Variants in CNTNAP2 observed in about 807,000 individuals in gnomAD.
CNTNAP2 encodes contactin associated protein 2.
A neutral mutation model predicts 155.2 loss-of-function variants in CNTNAP2; 98 were observed. The ratio of observed to expected loss-of-function variants is 0.63; its 90% CI spans 0.54 to 0.75. The LOEUF is 0.75. Among genes scored for constraint, CNTNAP2 ranks in the 30% least tolerant of loss-of-function variants. The pLI is 0.00. For missense variants in CNTNAP2, 1,727 were observed against 1,688.1 expected (o/e 1.02, Z -0.40); for synonymous variants, 651 against 631.2 (o/e 1.03, Z -0.47).
At chr7:146,941,943 G>A (rs1797066672) in intron 3 of CNTNAP2, among the ~76,000 whole-genome samples, 1 of 151,910 alleles carries the variant, frequency 6.6e-6, no homozygotes, top group African/African-American at 2.4e-5. Context: ...TTCAATTTTT[G>A]ATAGTTTGAT....
chr7:147,132,299 G>C lies in CNTNAP2; in HGVS notation c.1138G>C (p.Ala380Pro). The part of the protein sequence containing the change: ...EPYTVPVFFN[A>P]TSYLEVPGRL... Reference sequence around the variant, plus strand: ...CTATACGGTGCCTGTCTTTTTCAACGCTACAAGTTACCTGGAGGTGCCCGG... The same window carrying C: ...CTATACGGTGCCTGTCTTTTTCAACCCTACAAGTTACCTGGAGGTGCCCGG... The change falls in exon 8 of 24, where the codon GCT (alanine) becomes CCT (proline). Residue 380 changes from alanine to proline, a missense_variant. Physicochemically the swap from Ala to Pro is conservative, Grantham distance 27. Coordinates refer to ENST00000361727, the MANE Select transcript of CNTNAP2 (RefSeq NM_014141.6). 6.2e-7 allele frequency: 1 copy of C among 1,613,610 alleles called. No homozygotes were observed. Among genetic ancestry groups the C allele is most frequent in the South Asian group, 1.1e-5 (1 of 91,068 alleles).
At chr7:146,982,266 T>C (rs1762148409) in intron 3 of CNTNAP2, among the ~76,000 whole-genome samples, 1 of 152,154 alleles carries the variant, frequency 6.6e-6, no homozygotes, top group African/African-American at 2.4e-5. Flanking sequence ...ATATTCTACA[T>C]ACTCATTTAG....
Position 148,418,574 on chromosome 7 carries a change from A to T in CNTNAP2, c.*2958A>T, listed in dbSNP as rs570564732. 1 of 152,224 alleles carries T rather than the reference A, an allele frequency of 6.6e-6. No individual in the cohort carries two copies. Among genetic ancestry groups the T allele is most frequent in the Non-Finnish European group, 1.5e-5 (1 of 68,046 alleles). 9.4% of individuals were successfully genotyped at this position (152,224 alleles called of 1,614,324 possible). A position where few individuals can be genotyped will look rare whatever the true frequency, so the allele number is the denominator to read the frequency against. On this transcript the variant is annotated 3_prime_UTR_variant, in exon 24 of 24. Coordinates refer to ENST00000361727, the MANE Select transcript of CNTNAP2 (RefSeq NM_014141.6). ...AAAAGCTAGGAGATGACTTTGAATGAATGCAAGGTTAGTGAGATCCTAAGC... is the reference window on the plus strand; with the variant it reads ...AAAAGCTAGGAGATGACTTTGAATGTATGCAAGGTTAGTGAGATCCTAAGC...
chr7:148,331,751 CGGACGGATGGATTGGAT>C, intron 21 of CNTNAP2, among the ~76,000 whole-genome samples: 1 of 20,298 alleles, frequency 4.9e-5, no homozygotes. Context: ...ATGGATGGAA[CGGACGGATGGATTGGAT>C]GGATGGAATG....
intron 13 of CNTNAP2, among the ~76,000 whole-genome samples, chr7:147,869,264 A>T (rs1799287594): frequency 6.6e-6 from 1 of 152,250 alleles, no homozygotes; most frequent in Admixed American, 6.5e-5. Flanking sequence ...CTGCATCAGC[A>T]TGTCATTTTC....
chr7:147,477,648 A>G (rs1798345838), intron 10 of CNTNAP2, among the ~76,000 whole-genome samples: 2 of 152,270 alleles, frequency 1.3e-5, no homozygotes, highest in South Asian at 2.1e-4. Flanking sequence ...GCTAGTTAAA[A>G]CCATTCAATT....
intron 1 of CNTNAP2, among the ~76,000 whole-genome samples, chr7:146,162,620 C>G (rs1240922391): frequency 6.6e-6 from 1 of 152,124 alleles, no homozygotes; most frequent in Non-Finnish European, 1.5e-5. Flanking sequence ...GGATCTAGAA[C>G]TAGAAATACC....
chr7:146,997,049 T>C (rs184067056), intron 3 of CNTNAP2, among the ~76,000 whole-genome samples: 1 of 152,230 alleles, frequency 6.6e-6, no homozygotes, highest in Admixed American at 6.6e-5. Flanking sequence ...CACATGGAAC[T>C]CTGAGTCCAT....
chr7:148,146,788 CCAA>C (rs966098108), intron 16 of CNTNAP2, among the ~76,000 whole-genome samples: 11 of 152,256 alleles, frequency 7.2e-5, no homozygotes, highest in African/African-American at 1.9e-4. Flanking sequence ...CCTCATTACA[CCAA>C]CAATAGGTCA....
intron 14 of CNTNAP2, among the ~76,000 whole-genome samples, chr7:147,960,705 C>T (rs556001177): frequency 3.3e-5 from 5 of 152,156 alleles, no homozygotes; most frequent in African/African-American, 7.2e-5. Context: ...GGAGAGTGGA[C>T]GGTAGTGAGT....
chr7:147,559,994 C>T (rs1045896232), intron 11 of CNTNAP2, among the ~76,000 whole-genome samples: 1 of 151,596 alleles, frequency 6.6e-6, no homozygotes, highest in African/African-American at 2.4e-5. Context: ...CATGGAGAAA[C>T]CCCGTCTCCA....
At chr7:147,762,904 A>G (rs1353609275) in intron 13 of CNTNAP2, among the ~76,000 whole-genome samples, 2 of 152,092 alleles carry the variant, frequency 1.3e-5, no homozygotes, top group Non-Finnish European at 2.9e-5. Flanking sequence ...TTATTTGTAA[A>G]CATGAGGTCA....
Position 148,415,417 on chromosome 7 carries a change from G to C in CNTNAP2, c.3797G>C (p.Gly1266Ala). 1 of 1,613,410 alleles carries C rather than the reference G, an allele frequency of 6.2e-7. No individual in the cohort carries two copies. Among genetic ancestry groups the C allele is most frequent in the Non-Finnish European group, 8.5e-7 (1 of 1,180,036 alleles). The change falls in exon 24 of 24, where the codon GGC becomes GCC. Residue 1266 changes from glycine to alanine, a missense_variant and splice_region_variant. By Grantham distance (60) the Gly-to-Ala change is moderately conservative (BLOSUM62 0). Coordinates refer to ENST00000361727, the MANE Select transcript of CNTNAP2 (RefSeq NM_014141.6). ...CTCGTGCTTCTCCTTTCTCCGTCAG[G>C]CGTCATTGCTGTGGTGATTTTCACC... is the stretch of plus-strand genomic sequence containing the variant. ...GVNRNSAIIGGVIAVVIFTIL... is the reference protein window; with the variant it reads ...GVNRNSAIIGAVIAVVIFTIL...
At chr7:148,046,589 G>A (rs1184166964) in intron 15 of CNTNAP2, among the ~76,000 whole-genome samples, 2 of 152,144 alleles carry the variant, frequency 1.3e-5, no homozygotes, top group Admixed American at 6.5e-5. Flanking sequence ...CCAAGCTAGT[G>A]TAGGTGGCTA....
chr7:147,246,218 G>A (rs1324273592), intron 8 of CNTNAP2, among the ~76,000 whole-genome samples: 1 of 151,952 alleles, frequency 6.6e-6, no homozygotes, highest in Non-Finnish European at 1.5e-5. Flanking sequence ...TGGAGGCCCA[G>A]GGAAGAAAGA....
chr7:147,953,483 A>G (rs551131995), intron 14 of CNTNAP2, among the ~76,000 whole-genome samples: 1 of 152,160 alleles, frequency 6.6e-6, no homozygotes, highest in Non-Finnish European at 1.5e-5. Context: ...ACGTTCACCT[A>G]TGTCACAAAC....
At chr7:146,392,408 T>C (rs1177250908) in intron 1 of CNTNAP2, among the ~76,000 whole-genome samples, 1 of 152,082 alleles carries the variant, frequency 6.6e-6, no homozygotes, top group Non-Finnish European at 1.5e-5. Flanking sequence ...TATAATGATG[T>C]AAAGGATAAA....
At chr7:147,139,874 T>C (rs1209655513) in intron 8 of CNTNAP2, among the ~76,000 whole-genome samples, 3 of 152,100 alleles carry the variant, frequency 2.0e-5, no homozygotes, top group East Asian at 3.9e-4. Flanking sequence ...TCAACATGCA[T>C]AGAAAGTAAT....
chr7:146,804,119 C>T (rs1193113835), intron 2 of CNTNAP2, among the ~76,000 whole-genome samples: 1 of 152,026 alleles, frequency 6.6e-6, no homozygotes, highest in Non-Finnish European at 1.5e-5. Context: ...TATATATATG[C>T]AGGCACAGTT....
Sources: gnomAD v4.1 joint callset for allele counts (sites outside exome capture counted in the v4.1 genomes callset) on GRCh38, gnomAD v4.1.1 for gene constraint, MANE v1.5 for transcripts, NCBI Gene and HGNC (gene_info 2026-07-23, HGNC 2026-07-21) for gene names.